Variants in COL6A5 observed in about 807,000 individuals in gnomAD.
COL6A5 encodes the protein collagen alpha-5(VI) chain.
Under a neutral mutation model 65.6 loss-of-function variants are expected in COL6A5, and 48 were observed. The observed-to-expected ratio is 0.73, with a 90% CI of 0.58 to 0.93. The LOEUF is 0.93. Among genes scored for constraint, COL6A5 ranks in the 40% least tolerant of loss-of-function variants. The pLI is 0.00. For synonymous variants in COL6A5, 291 were observed against 322.8 expected (o/e 0.90, Z 1.05); for missense variants, 914 against 928.3 (o/e 0.98, Z 0.20).
chr3:130,406,071 C>T lies in COL6A5; in HGVS notation c.4380+52C>T, dbSNP rs374408883. The T allele has an allele frequency of 4.3e-5, 67 of 1,548,452 alleles. No individual in the cohort carries two copies. The African/African-American group carries it at 4.9e-4, about 11-fold the overall frequency. The stretch of plus-strand genomic sequence containing the variant: ...TTGATTTCCAAATGGGATTAGTTTC[C>T]GAATAAGCGTGTGGCAGAGACCTGC... On this transcript the variant is annotated intron_variant and NMD_transcript_variant, in intron 15 of 41. Transcript: ENST00000312481.
chr3:130,425,059 G>A (rs1404171898), intron 29 of COL6A5, among the ~76,000 whole-genome samples: 3 of 152,094 alleles, frequency 2.0e-5, no homozygotes, highest in Non-Finnish European at 4.4e-5. Context: ...CTGTGTATTA[G>A]CCAGAAACTG....
At chr3:130,466,067 A>G (rs1443419831) in intron 5 of COL6A5, among the ~76,000 whole-genome samples, 1 of 152,122 alleles carries the variant, frequency 6.6e-6, no homozygotes, top group African/African-American at 2.4e-5. Context: ...TCTCCCAATC[A>G]TTGATTAAAA....
exon 8 of COL6A5, chr3:130,484,604 A>G: frequency 2.5e-6 from 1 of 398,988 alleles, no homozygotes; most frequent in Non-Finnish European, 4.4e-6. Context: ...TCTCTTCACC[A>G]GGACATTGAC....
chr3:130,436,359 A>G (rs1324364710), intron 1 of COL6A5, among the ~76,000 whole-genome samples: 1 of 151,930 alleles, frequency 6.6e-6, no homozygotes, highest in Non-Finnish European at 1.5e-5. Context: ...CTGCTACATT[A>G]TTCCAATCAG....
At chr3:130,370,741 C>G (rs945507672) in intron 1 of COL6A5, among the ~76,000 whole-genome samples, 2 of 151,966 alleles carry the variant, frequency 1.3e-5, no homozygotes, top group African/African-American at 2.4e-5. Flanking sequence ...TATTTGGTAC[C>G]CAAAGGATAG....
chr3:130,433,187 T>G (rs916263288), intron 1 of COL6A5, among the ~76,000 whole-genome samples: 8 of 152,180 alleles, frequency 5.3e-5, no homozygotes, highest in African/African-American at 1.9e-4. Flanking sequence ...GTCAAAGTCC[T>G]GTGGTTTTCA....
At chr3:130,418,195 G>T (rs1183386042) in intron 24 of COL6A5, among the ~76,000 whole-genome samples, 1 of 151,962 alleles carries the variant, frequency 6.6e-6, no homozygotes, top group African/African-American at 2.4e-5. Context: ...AATAAGGTAG[G>T]GGGTCATTTA....
At chr3:130,472,832 C>CACATATATATATATAT (rs1553760928) in intron 7 of COL6A5, among the ~76,000 whole-genome samples, 36 of 99,390 alleles carry the variant, frequency 3.6e-4, no homozygotes, top group African/African-American at 1.4e-3. Context: ...TGTGTGTATA[C>CACATATATATATATAT]ATATATATAT....
chr3:130,471,004 A>T (rs1318771371), intron 7 of COL6A5, 37 bp downstream of exon 39: 1 of 1,407,718 alleles, frequency 7.1e-7, no homozygotes, highest in Non-Finnish European at 1.0e-6. Flanking sequence ...TAATACCACA[A>T]CTGGAAACAG....
rs940440624 is a variant in COL6A5 at position 130,477,176 on chromosome 3, T to C, written c.2328+6209T>C. 1.6e-5 allele frequency: 15 copies of C among 924,470 alleles called. No homozygotes were observed. In the Admixed American group the frequency reaches 3.3e-4, roughly 20 times the overall value. The allele number at this position is 924,470 out of a possible 1,614,324, so 57.3% of individuals were successfully genotyped here. ...TTAAAGTTAGGCCATGAAACAGAAA[T>C]AATACAATCTATCTCTGAGTTGTTG... On this transcript the variant is annotated intron_variant, in intron 7 of 7. Coordinates refer to ENST00000512836, the Ensembl canonical transcript of COL6A5.
At chr3:130,409,621 T>G (rs947810805) in intron 18 of COL6A5, among the ~76,000 whole-genome samples, 1 of 152,172 alleles carries the variant, frequency 6.6e-6, no homozygotes, top group African/African-American at 2.4e-5. Flanking sequence ...GGAGAACATT[T>G]CCATAGCTTT....
At chr3:130,418,990 G>A in intron 25 of COL6A5, 59 bp downstream of exon 25, 1 of 1,420,384 alleles carries the variant, frequency 7.0e-7, no homozygotes, top group Non-Finnish European at 9.7e-7. Context: ...CCAAGGTAAA[G>A]AGAAGGGGTT....
upstream of COL6A5, among the ~76,000 whole-genome samples, chr3:130,430,607 GTCA>G (rs1182140552): frequency 5.3e-5 from 8 of 152,190 alleles, no homozygotes; most frequent in African/African-American, 1.9e-4. Context: ...CTAAAGTTCA[GTCA>G]TCATAAGACA....
chr3:130,357,170 A>G (rs1038011116), intron 1 of COL6A5, among the ~76,000 whole-genome samples: 4 of 152,184 alleles, frequency 2.6e-5, no homozygotes, highest in Admixed American at 6.5e-5. Context: ...TAGAGAGTAG[A>G]AAAAAAGGGG....
At chr3:130,451,194 C>T (rs115257754) in intron 4 of COL6A5, among the ~76,000 whole-genome samples, 4,245 of 152,158 alleles carry the variant, frequency 0.028, 81 homozygotes, top group Non-Finnish European at 0.042. Context: ...CTAGCGCGAC[C>T]GGATAAGTCC....
chr3:130,403,572 G>T (rs556726223), intron 12 of COL6A5, 37 bp from the exon 13 acceptor site: 19 of 1,523,702 alleles, frequency 1.2e-5, no homozygotes, highest in Non-Finnish European at 1.6e-5. Flanking sequence ...TATTGGGGGG[G>T]GGTGACTAAA....
chr3:130,369,777 G>C (rs1467424261), intron 1 of COL6A5, among the ~76,000 whole-genome samples: 3 of 152,114 alleles, frequency 2.0e-5, no homozygotes, highest in Non-Finnish European at 4.4e-5. Flanking sequence ...ATCTACATGT[G>C]CTGAGCATCC....
intron 17 of COL6A5, among the ~76,000 whole-genome samples, chr3:130,408,416 C>T (rs1260867330): frequency 3.3e-5 from 5 of 152,052 alleles, no homozygotes; most frequent in East Asian, 3.9e-4. Context: ...TCCAGCCTGG[C>T]GAATTCTAGT....
exon 7 of COL6A5, chr3:130,391,474 T>G: frequency 1.9e-6 from 3 of 1,551,698 alleles, no homozygotes; most frequent in East Asian, 2.4e-5. Flanking sequence ...ATGCCCTGTT[T>G]ACAGAGGAAC....
Sources: gnomAD v4.1 joint callset for allele counts (sites outside exome capture counted in the v4.1 genomes callset) on GRCh38, gnomAD v4.1.1 for gene constraint, MANE v1.5 for transcripts, NCBI Gene and HGNC (gene_info 2026-07-23, HGNC 2026-07-21) for gene names.